Variants in ANKS1B observed in about 807,000 individuals in gnomAD.
The protein encoded by ANKS1B is ankyrin repeat and sterile alpha motif domain-containing protein 1B.
ANKS1B carries 36 observed loss-of-function variants against 148.3 expected under a neutral mutation model. That is an observed-to-expected ratio of 0.24 (90% CI 0.19 to 0.32). The LOEUF (loss-of-function observed/expected upper bound fraction) is 0.32, where lower values mean the gene tolerates loss of function less well. Among genes scored for constraint, ANKS1B ranks in the 10% least tolerant of loss-of-function variants. The pLI is 1.00. For missense variants in ANKS1B, 1,157 were observed against 1,542.6 expected (o/e 0.75, Z 4.19); for synonymous variants, 542 against 560.8 (o/e 0.97, Z 0.47).
intron 15 of ANKS1B, among the ~76,000 whole-genome samples, chr12:99,143,467 C>G (rs1047207272): frequency 1.3e-5 from 2 of 152,058 alleles, no homozygotes; most frequent in African/African-American, 2.4e-5. Context: ...GAGACGCATG[C>G]AATGACCTGT....
intron 10 of ANKS1B, among the ~76,000 whole-genome samples, chr12:99,446,077 A>G (rs12580184): frequency 0.056 from 8,551 of 151,962 alleles, 345 homozygotes; most frequent in East Asian, 0.2. Flanking sequence ...ACAATGCAAT[A>G]TAACTTGAGA....
chr12:99,252,780 C>T (rs753518178), intron 12 of ANKS1B, among the ~76,000 whole-genome samples: 23 of 152,224 alleles, frequency 1.5e-4, no homozygotes, highest in Non-Finnish European at 3.1e-4. Context: ...CAGGAAGTAG[C>T]TTACTCCCTT....
chr12:99,693,401 T>C (rs1043187654), intron 8 of ANKS1B, among the ~76,000 whole-genome samples: 7 of 152,296 alleles, frequency 4.6e-5, no homozygotes, highest in African/African-American at 7.2e-5. Flanking sequence ...ACAGTAGATA[T>C]CTCTTTCAAA....
chr12:99,407,831 G>A lies in ANKS1B; in HGVS notation c.1576-8020C>T, dbSNP rs1034556887. On this transcript the variant is annotated intron_variant, in intron 11 of 26. Transcript: ENST00000683438. The stretch of plus-strand genomic sequence containing the variant: ...GCTCTACAGTGAAAACTATAAACAC[G>A]GATGAAAGACATTGAAAATCATATA... Among the ~76,000 whole-genome samples the A allele has an allele frequency of 1.4e-5, 2 of 145,246 alleles. 1 individual carries two copies. Among genetic ancestry groups the A allele is most frequent in the Admixed American group, 1.4e-4 (2 of 14,660 alleles).
intron 9 of ANKS1B, among the ~76,000 whole-genome samples, chr12:99,617,755 T>A (rs997121429): frequency 2.0e-5 from 3 of 151,534 alleles, no homozygotes; most frequent in African/African-American, 7.3e-5. Context: ...TGTCTACCTA[T>A]GAAACAAACC....
chr12:99,631,191 C>A (rs2098156979), intron 9 of ANKS1B, among the ~76,000 whole-genome samples: 1 of 152,060 alleles, frequency 6.6e-6, no homozygotes, highest in Non-Finnish European at 1.5e-5. Context: ...AGTGAGGGAA[C>A]AAACTTATCC....
intron 1 of ANKS1B, among the ~76,000 whole-genome samples, chr12:99,980,879 AT>A (rs2095691863): frequency 6.6e-6 from 1 of 152,024 alleles, no homozygotes; most frequent in Non-Finnish European, 1.5e-5. Context: ...GAAAAGAAAA[AT>A]TTTAAAATAA....
At position 99,660,356 on chromosome 12, in the gene ANKS1B, T is replaced by C. The variant is rs943107008; in HGVS notation, c.1129-5146A>G. Among the ~76,000 whole-genome samples the C allele has an allele frequency of 6.0e-5, 8 of 133,820 alleles. No individual in the cohort carries two copies. In the East Asian group the frequency reaches 1.2e-3, roughly 20 times the overall value. The allele number at this position is 133,820 out of a possible 152,430, so 87.8% of individuals were successfully genotyped here. On this transcript the variant is annotated intron_variant, in intron 8 of 26. Transcript: ENST00000683438. ...GTATGCCTACCTTTATCTTTCTTTTTCTTTTTCTTTTTTTTTTTTTTTTTT... is the reference window on the plus strand; with the variant it reads ...GTATGCCTACCTTTATCTTTCTTTTCCTTTTTCTTTTTTTTTTTTTTTTTT...
At position 99,525,104 on chromosome 12, in the gene ANKS1B, TG is replaced by T. The variant is rs201994738; in HGVS notation, c.1273-20464del. ...CCAGAACTGAAGAATAATACATTTG[TG>T]TTGTTTTTTTATGCCACTAAATGTG... On this transcript the variant is annotated intron_variant, in intron 9 of 26. Transcript: ENST00000683438. Among the ~76,000 whole-genome samples the T allele has an allele frequency of 2.2e-3, 316 of 140,956 alleles. 5 individuals are homozygous for T. Among genetic ancestry groups the T allele is most frequent in the Admixed American group, 0.019 (283 of 14,604 alleles). 92.5% of individuals were successfully genotyped at this position (140,956 alleles called of 152,430 possible).
chr12:99,539,531 T>C (rs1346006211), intron 9 of ANKS1B, among the ~76,000 whole-genome samples: 2 of 152,046 alleles, frequency 1.3e-5, no homozygotes, highest in Non-Finnish European at 2.9e-5. Flanking sequence ...AAGAATAAAC[T>C]AGAAAATATC....
intron 17 of ANKS1B, among the ~76,000 whole-genome samples, chr12:98,835,973 A>G (rs2099360491): frequency 6.6e-6 from 1 of 152,238 alleles, no homozygotes; most frequent in South Asian, 2.1e-4. Context: ...TAATCCTTAC[A>G]ATAGCATACA....
intron 14 of ANKS1B, among the ~76,000 whole-genome samples, chr12:99,243,418 C>T (rs2089716083): frequency 6.6e-6 from 1 of 152,192 alleles, no homozygotes; most frequent in Admixed American, 6.5e-5. Flanking sequence ...AATGCTTTTA[C>T]ACTGTTTGTG....
chr12:99,619,773 AG>A (rs1430461276), intron 9 of ANKS1B, among the ~76,000 whole-genome samples: 8 of 152,148 alleles, frequency 5.3e-5, no homozygotes, highest in Non-Finnish European at 1.2e-4. Context: ...GGGGCTGAGG[AG>A]GTTTCCCAAC....
At chr12:99,208,353 A>C (rs949883702) in intron 14 of ANKS1B, among the ~76,000 whole-genome samples, 2 of 152,152 alleles carry the variant, frequency 1.3e-5, no homozygotes, top group Non-Finnish European at 2.9e-5. Flanking sequence ...CAAATGTTTT[A>C]AACCATTTGA....
intron 15 of ANKS1B, among the ~76,000 whole-genome samples, chr12:99,115,666 C>T (rs930470866): frequency 6.6e-6 from 1 of 152,072 alleles, no homozygotes; most frequent in Admixed American, 6.6e-5. Flanking sequence ...TGCAGTGGCT[C>T]ACACCTGTAA....
intron 17 of ANKS1B, among the ~76,000 whole-genome samples, chr12:99,041,376 T>C (rs1283948956): frequency 1.3e-5 from 2 of 152,208 alleles, no homozygotes; most frequent in Non-Finnish European, 2.9e-5. Context: ...CAATTTAATT[T>C]TCTAAAATAG....
chr12:99,486,197 GT>G (rs905922555), intron 10 of ANKS1B, among the ~76,000 whole-genome samples: 117 of 150,200 alleles, frequency 7.8e-4, no homozygotes, highest in East Asian at 3.7e-3. Context: ...ATTTGACTGT[GT>G]TTTTTTTTAA....
chr12:99,827,646 C>T (rs2083378129), intron 1 of ANKS1B, among the ~76,000 whole-genome samples: 1 of 151,982 alleles, frequency 6.6e-6, no homozygotes, highest in Admixed American at 6.6e-5. Context: ...ATGTGTATAC[C>T]ACAAATATAC....
At chr12:99,252,952 A>G (rs573988401) in intron 12 of ANKS1B, among the ~76,000 whole-genome samples, 1 of 152,320 alleles carries the variant, frequency 6.6e-6, no homozygotes, top group African/African-American at 2.4e-5. Flanking sequence ...GGCCAGGTGC[A>G]GTGGCTCACA....
Sources: allele counts gnomAD v4.1 joint callset (sites outside exome capture counted in the v4.1 genomes callset), GRCh38; gene constraint gnomAD v4.1.1; transcripts MANE v1.5; gene names NCBI Gene and HGNC (gene_info 2026-07-23, HGNC 2026-07-21).